SSH2: variants seen among roughly 807,000 people sequenced by gnomAD.
The protein encoded by SSH2 is slingshot protein phosphatase 2, also known as protein phosphatase Slingshot homolog 2.
SSH2 carries 37 observed loss-of-function variants against 135.2 expected under a neutral mutation model. The observed-to-expected ratio is 0.27, with a 90% confidence interval of 0.21 to 0.36. The LOEUF (loss-of-function observed/expected upper bound fraction) is 0.36. SSH2 is among the 10% of genes least tolerant of loss of function. SSH2 has a pLI of 1.00. For missense variants in SSH2, 1,408 were observed against 1,765.3 expected (o/e 0.80, Z 3.63); for synonymous variants, 628 against 646.2 (o/e 0.97, Z 0.43).
rs150294685 is a variant in SSH2, at chr17:29,751,504, G to A, written c.188+42390C>T. 2.8e-3 allele frequency among the ~76,000 whole-genome samples: 424 copies of A among 152,152 alleles called. 1 individual carries two copies. Among genetic ancestry groups the A allele is most frequent in the Admixed American group, 0.012 (179 of 15,290 alleles). On this transcript the variant is annotated intron_variant, in intron 3 of 15. Transcript: ENST00000540801. ...TACAGTAAATACATAAACCAGCAAC[G>A]CAGTCGCTTATTATCAAGCATTATG...
chr17:29,808,326 G>A (rs539522673), intron 2 of SSH2, among the ~76,000 whole-genome samples: 4 of 152,048 alleles, frequency 2.6e-5, no homozygotes, highest in African/African-American at 9.7e-5. Context: ...ACGGGGTTTC[G>A]CCATGTTGGC....
intron 3 of SSH2, among the ~76,000 whole-genome samples, chr17:29,747,825 C>T (rs1299269132): frequency 1.3e-5 from 2 of 152,078 alleles, no homozygotes; most frequent in African/African-American, 4.8e-5. Context: ...TGGAAGGACC[C>T]AAGAGCAGAT....
At position 29,795,272 on chromosome 17, in the gene SSH2, A is replaced by G. The variant is rs151004316; in HGVS notation, c.145-1335T>C. On this transcript the variant is annotated intron_variant, in intron 2 of 15. Coordinates refer to ENST00000540801, the MANE Select transcript of SSH2 (RefSeq NM_001282129.2). ...AAAAACAAGGATAAGCTAATCTGAT[A>G]AGACTGAAAAAGAATTAGAGAAAAA... is the stretch of plus-strand genomic sequence containing the variant. Among the ~76,000 whole-genome samples, 571 of 152,364 alleles carry G rather than the reference A, an allele frequency of 3.7e-3. 5 individuals carry two copies. Among genetic ancestry groups the G allele is most frequent in the African/African-American group, 0.013 (540 of 41,590 alleles).
chr17:29,677,547 C>A (rs2037779969), intron 7 of SSH2, 126 bp downstream of exon 7: 1 of 765,356 alleles, frequency 1.3e-6, no homozygotes. Context: ...TAAAAGGACT[C>A]ATTCAGCTGT....
chr17:29,766,475 T>C (rs2041451152), intron 3 of SSH2, among the ~76,000 whole-genome samples: 3 of 151,390 alleles, frequency 2.0e-5, no homozygotes, highest in African/African-American at 7.3e-5. Flanking sequence ...AAAATAATAA[T>C]AATAAAGAAA....
intron 11 of SSH2, among the ~76,000 whole-genome samples, chr17:29,664,389 A>G (rs1252065639): frequency 6.6e-6 from 1 of 151,948 alleles, no homozygotes; most frequent in South Asian, 2.1e-4. Context: ...AAAAAAAAAA[A>G]GATTGGAAGG....
chr17:29,672,882 T>C (rs2037550259), intron 8 of SSH2, among the ~76,000 whole-genome samples: 1 of 152,200 alleles, frequency 6.6e-6, no homozygotes, highest in East Asian at 1.9e-4. Context: ...GATTTTTGTA[T>C]TTTTAGTCGA....
At chr17:29,925,769 C>CA (rs1385301836) in intron 1 of SSH2, among the ~76,000 whole-genome samples, 3 of 150,918 alleles carry the variant, frequency 2.0e-5, no homozygotes, top group Admixed American at 1.3e-4. Context: ...GTTTTCACCA[C>CA]AAAAAAAGCT....
intron 1 of SSH2, among the ~76,000 whole-genome samples, chr17:29,897,016 G>T (rs2066458157): frequency 6.6e-6 from 1 of 151,824 alleles, no homozygotes; most frequent in Admixed American, 6.6e-5. Context: ...ACATATATGG[G>T]TGTGTATATA....
chr17:29,847,036 T>C (rs2043143693), intron 2 of SSH2, among the ~76,000 whole-genome samples: 1 of 152,136 alleles, frequency 6.6e-6, no homozygotes, highest in Non-Finnish European at 1.5e-5. Context: ...ATTTGTGAAG[T>C]AGGATTCATT....
At chr17:29,703,123 G>T in intron 3 of SSH2, 61 bp from the exon 4 acceptor site, 1 of 1,170,334 alleles carries the variant, frequency 8.5e-7, no homozygotes. Flanking sequence ...AGAGTAGGAT[G>T]GATAACCACT....
intron 13 of SSH2, 29 bp from the exon 14 acceptor site, chr17:29,648,373 G>A (rs2150996185): frequency 6.4e-7 from 1 of 1,559,392 alleles, no homozygotes. Flanking sequence ...GTAAAGAATA[G>A]AGGAAAATAC....
rs1240461495 is a variant in SSH2, at chr17:29,655,553, G to A, written c.1079+8C>T. 3 of 1,613,936 alleles carry A rather than the reference G, an allele frequency of 1.9e-6. No homozygotes were observed. The highest frequency in any genetic ancestry group is 1.7e-5 in the Admixed American group (1 of 60,012). On this transcript the variant is annotated splice_region_variant and intron_variant, in intron 12 of 15. Coordinates refer to ENST00000540801, the MANE Select transcript of SSH2 (RefSeq NM_001282129.2). ...ACAGGGGTGCCAGCTATTGCTTTGTGTGCTTACCCTCGGTTCTGTAAGTCC... is the reference window on the plus strand; with the variant it reads ...ACAGGGGTGCCAGCTATTGCTTTGTATGCTTACCCTCGGTTCTGTAAGTCC...
intron 4 of SSH2, among the ~76,000 whole-genome samples, chr17:29,701,115 C>A (rs1056656274): frequency 6.6e-5 from 10 of 151,982 alleles, no homozygotes; most frequent in Non-Finnish European, 1.0e-4. Flanking sequence ...GGACCACAGG[C>A]GCCCGCCACC....
chr17:29,856,038 C>A, intron 1 of SSH2: 2 of 386,004 alleles, frequency 5.2e-6, no homozygotes, highest in South Asian at 4.1e-5. Flanking sequence ...GAGGTCTGTG[C>A]ATACTCCTTT....
rs531694705 is a variant in SSH2, at chr17:29,686,036, C to T, written c.358-1352G>A. On this transcript the variant is annotated intron_variant, in intron 5 of 15. Coordinates refer to ENST00000540801, the MANE Select transcript of SSH2 (RefSeq NM_001282129.2). Reference sequence around the variant, plus strand: ...GCTAGTTTTGTATTTTTATTAGAGACGGGGTTTCTCCATGTTGGTCAGGCT... The same window carrying T: ...GCTAGTTTTGTATTTTTATTAGAGATGGGGTTTCTCCATGTTGGTCAGGCT... 2.0e-4 allele frequency among the ~76,000 whole-genome samples: 30 copies of T among 151,682 alleles called. 1 individual carries two copies. In the East Asian group the frequency reaches 4.2e-3, roughly 21 times the overall value.
intron 1 of SSH2, among the ~76,000 whole-genome samples, chr17:29,849,592 C>T (rs965524763): frequency 6.6e-6 from 1 of 150,708 alleles, no homozygotes; most frequent in Non-Finnish European, 1.5e-5. Context: ...TCCAAAGATA[C>T]ACATTTGATG....
At chr17:29,689,136 C>A (rs186741810) in intron 5 of SSH2, among the ~76,000 whole-genome samples, 219 of 147,224 alleles carry the variant, frequency 1.5e-3, no homozygotes, top group African/African-American at 5.5e-3. Context: ...CCAGCCTGGG[C>A]GACAGGGCAA....
rs951528966 is a variant in SSH2 at position 29,902,330 on chromosome 17, C to T, written c.63+27608G>A. ...TCATAACTACTTTAAAATAGCAACC[C>T]CATGAATGTTCACCTTAGATTGTTT... On this transcript the variant is annotated intron_variant, in intron 1 of 15. Coordinates refer to ENST00000540801, the MANE Select transcript of SSH2 (RefSeq NM_001282129.2). 2.0e-5 allele frequency among the ~76,000 whole-genome samples: 3 copies of T among 152,202 alleles called. No individual in the cohort carries two copies. In the South Asian group the frequency reaches 6.2e-4, roughly 32 times the overall value.
Sources: allele counts gnomAD v4.1 joint callset (sites outside exome capture counted in the v4.1 genomes callset), GRCh38; gene constraint gnomAD v4.1.1; transcripts MANE v1.5; gene names NCBI Gene and HGNC (gene_info 2026-07-23, HGNC 2026-07-21).